The following ZFP1 variants were observed in gnomAD, a reference collection of about 807,000 sequenced individuals.
ZFP1 encodes zinc finger protein 1 homolog.
ZFP1 carries 32 observed loss-of-function variants against 38.5 expected under a neutral mutation model. The ratio of observed to expected loss-of-function variants is 0.83; its 90% confidence interval spans 0.63 to 1.12. The LOEUF (loss-of-function observed/expected upper bound fraction) is 1.12. Ranked by LOEUF, ZFP1 falls within the 50% of genes most tolerant of loss-of-function variation. The pLI is 0.00. For missense variants in ZFP1, 616 were observed against 480.8 expected, an observed-to-expected ratio of 1.28 and a Z score of -2.63; for synonymous variants, 245 against 168.8, an observed-to-expected ratio of 1.45 and a Z score of -3.50.
At chr16:75,156,852 A>C (rs961669202) in intron 2 of ZFP1, among the ~76,000 whole-genome samples, 2 of 152,236 alleles carry the variant, frequency 1.3e-5, no homozygotes, top group Non-Finnish European at 2.9e-5. Flanking sequence ...AGATGTCATC[A>C]GAACATGTTC....
At chr16:75,151,618 C>A (rs1188898979) in intron 1 of ZFP1, among the ~76,000 whole-genome samples, 1 of 152,108 alleles carries the variant, frequency 6.6e-6, no homozygotes, top group Non-Finnish European at 1.5e-5. Flanking sequence ...TTTCATCCTC[C>A]CGTCTTTTGC....
At chr16:75,120,393 G>A in the ZFP1 span, among the ~76,000 whole-genome samples, 1 of 152,116 alleles carries the variant, frequency 6.6e-6, no homozygotes, top group Admixed American at 6.6e-5. Flanking sequence ...AAGGCACCAG[G>A]CTCCCTTTAA....
In ZFP1 at chr16:75,152,025, G is replaced by A. The variant is rs567463204; in HGVS notation, c.-43-884G>A. On this transcript the variant is annotated intron_variant, in intron 1 of 3. Coordinates refer to ENST00000570010, the MANE Select transcript of ZFP1 (RefSeq NM_153688.4). ...GTTGTTGTGAAAGCACTTTCAGGAT[G>A]TCACTACTTTGTTTTCTGGCTTAGT... Among the ~76,000 whole-genome samples the A allele has an allele frequency of 5.3e-5, 8 of 152,280 alleles. No individual in the cohort carries two copies. In the South Asian group the frequency reaches 1.7e-3, roughly 32 times the overall value.
chr16:75,135,114 G>A, the ZFP1 span, among the ~76,000 whole-genome samples: 4 of 146,800 alleles, frequency 2.7e-5, no homozygotes, highest in South Asian at 2.2e-4. Flanking sequence ...GAAGGCTGAC[G>A]TAGAAGGATT....
chr16:75,163,911 G>A (rs532037567), intron 2 of ZFP1, among the ~76,000 whole-genome samples: 23 of 152,286 alleles, frequency 1.5e-4, no homozygotes, highest in African/African-American at 4.3e-4. Flanking sequence ...CACCGGCACT[G>A]TTTATGTCAC....
intron 3 of ZFP1, among the ~76,000 whole-genome samples, chr16:75,167,822 C>T (rs769306558): frequency 6.6e-6 from 1 of 152,104 alleles, no homozygotes; most frequent in Non-Finnish European, 1.5e-5. Context: ...CCAGGCCAGG[C>T]GCCATGGCTC....
chr16:75,153,632 C>T (rs964832520), intron 2 of ZFP1, among the ~76,000 whole-genome samples: 1 of 152,100 alleles, frequency 6.6e-6, no homozygotes, highest in East Asian at 1.9e-4. Context: ...CCAACCCCTA[C>T]CCCCAGTTTC....
intron 2 of ZFP1, 115 bp from the exon 3 acceptor site, chr16:75,166,655 G>C: frequency 6.4e-7 from 1 of 1,560,548 alleles, no homozygotes. Context: ...CAGTGAACAA[G>C]ATGTATCGTT....
At chr16:75,163,594 G>A (rs867362215) in intron 2 of ZFP1, among the ~76,000 whole-genome samples, 1 of 151,616 alleles carries the variant, frequency 6.6e-6, no homozygotes, top group African/African-American at 2.4e-5. Context: ...TTACAGGTGT[G>A]GCCACTGCAC....
intron 1 of ZFP1, among the ~76,000 whole-genome samples, chr16:75,151,314 T>G (rs1242927880): frequency 6.6e-6 from 1 of 152,194 alleles, no homozygotes; most frequent in Non-Finnish European, 1.5e-5. Context: ...TAATTTGACC[T>G]CTGTTATTTA....
chr16:75,146,939 C>CAA (rs34337593), upstream of ZFP1, among the ~76,000 whole-genome samples: 9 of 67,670 alleles, frequency 1.3e-4, no homozygotes, highest in Non-Finnish European at 1.9e-4. Flanking sequence ...GACCCTGTGT[C>CAA]AAAAAAAAAA....
chr16:75,123,139 A>G, the ZFP1 span, among the ~76,000 whole-genome samples: 5 of 151,786 alleles, frequency 3.3e-5, no homozygotes, highest in South Asian at 1.0e-3. Context: ...GGATCACGTG[A>G]GGTCAGAAGT....
the ZFP1 span, among the ~76,000 whole-genome samples, chr16:75,141,595 A>T: frequency 6.6e-6 from 1 of 152,054 alleles, no homozygotes; most frequent in African/African-American, 2.4e-5. Flanking sequence ...TACTCCAAGA[A>T]ATAAATTATC....
At chr16:75,153,970 G>T (rs1232436202) in intron 2 of ZFP1, among the ~76,000 whole-genome samples, 1 of 152,082 alleles carries the variant, frequency 6.6e-6, no homozygotes, top group East Asian at 1.9e-4. Context: ...TTTTTAGATT[G>T]GTTTCCTTCA....
chr16:75,140,747 C>T, the ZFP1 span, among the ~76,000 whole-genome samples: 2 of 152,148 alleles, frequency 1.3e-5, no homozygotes, highest in African/African-American at 4.8e-5. Context: ...ATCACGAGGT[C>T]AGGAGATCGA....
At chr16:75,136,878 A>C in the ZFP1 span, among the ~76,000 whole-genome samples, 1 of 136,310 alleles carries the variant, frequency 7.3e-6, no homozygotes, top group African/African-American at 3.8e-5. Context: ...CTCAAAAAAG[A>C]AAAGAAAAGG....
chr16:75,162,938 C>G (rs1367982978), intron 2 of ZFP1, among the ~76,000 whole-genome samples: 1 of 145,458 alleles, frequency 6.9e-6, no homozygotes, highest in African/African-American at 2.5e-5. Context: ...TGGAAACAGT[C>G]TTGCTCTGTT....
At chr16:75,131,474 C>T in the ZFP1 span, among the ~76,000 whole-genome samples, 23 of 152,236 alleles carry the variant, frequency 1.5e-4, 1 homozygote, top group Middle Eastern at 6.8e-3. Flanking sequence ...TGAGAAGCAT[C>T]ACGTTGCTAA....
intron 2 of ZFP1, among the ~76,000 whole-genome samples, chr16:75,160,217 T>G (rs1294561573): frequency 6.6e-6 from 1 of 152,184 alleles, no homozygotes; most frequent in Non-Finnish European, 1.5e-5. Flanking sequence ...TACTTGAGAC[T>G]AGGTAATTTA....
Sources: gnomAD v4.1 joint callset for allele counts (sites outside exome capture counted in the v4.1 genomes callset) on GRCh38, gnomAD v4.1.1 for gene constraint, MANE v1.5 for transcripts, NCBI Gene and HGNC (gene_info 2026-07-23, HGNC 2026-07-21) for gene names.